The following BACE2 variants were observed in gnomAD, a reference collection of about 807,000 sequenced individuals.
BACE2 encodes beta-secretase 2.
A neutral mutation model predicts 46.2 loss-of-function variants in BACE2; 17 were observed. The ratio of observed to expected loss-of-function variants is 0.37; its 90% CI spans 0.25 to 0.55. The LOEUF (loss-of-function observed/expected upper bound fraction) is 0.55, where lower values mean the gene tolerates loss of function less well. BACE2 is among the 20% of genes least tolerant of loss of function. BACE2 has a pLI of 0.82. For missense variants in BACE2, 595 were observed against 698.1 expected, an observed-to-expected ratio of 0.85 and a Z score of 1.66; for synonymous variants, 277 against 295.9, an observed-to-expected ratio of 0.94 and a Z score of 0.66.
intron 2 of BACE2, among the ~76,000 whole-genome samples, chr21:41,233,987 G>A (rs1024179936): frequency 1.3e-5 from 2 of 152,118 alleles, no homozygotes; most frequent in Non-Finnish European, 2.9e-5. Context: ...TACTCTACCA[G>A]ACCAGGTAGT....
chr21:41,231,919 T>C (rs185394852), intron 2 of BACE2, among the ~76,000 whole-genome samples: 1 of 152,290 alleles, frequency 6.6e-6, no homozygotes, highest in East Asian at 1.9e-4. Context: ...TCTACGCTAA[T>C]AATAACCCCT....
chr21:41,256,185 C>G (rs972136167), intron 7 of BACE2, among the ~76,000 whole-genome samples: 1 of 151,840 alleles, frequency 6.6e-6, no homozygotes, highest in Non-Finnish European at 1.5e-5. Flanking sequence ...TGATTTGTTG[C>G]GCCCATCAAC....
At chr21:41,271,554 G>T (rs2088435048) in intron 8 of BACE2, among the ~76,000 whole-genome samples, 1 of 152,068 alleles carries the variant, frequency 6.6e-6, no homozygotes, top group African/African-American at 2.4e-5. Flanking sequence ...TGTCTCATTT[G>T]TTACATTTTT....
At chr21:41,275,241 C>A in intron 8 of BACE2, 130 bp from the exon 9 acceptor site, 1 of 1,285,488 alleles carries the variant, frequency 7.8e-7, no homozygotes, top group Non-Finnish European at 1.1e-6. Flanking sequence ...GCTTCCTGAG[C>A]TGTCTAAGCC....
chr21:41,170,985 C>T (rs1984588772), intron 1 of BACE2, among the ~76,000 whole-genome samples: 1 of 152,142 alleles, frequency 6.6e-6, no homozygotes, highest in Non-Finnish European at 1.5e-5. Flanking sequence ...TCCAGGGCAA[C>T]AGGGCAAGAA....
chr21:41,180,202 A>G (rs1227891466), intron 1 of BACE2: 1 of 213,486 alleles, frequency 4.7e-6, no homozygotes, highest in Non-Finnish European at 1.0e-5. Context: ...GCCATGGTGA[A>G]CTGACTTGAC....
chr21:41,244,966 T>A (rs1987424307), intron 5 of BACE2, among the ~76,000 whole-genome samples: 1 of 151,996 alleles, frequency 6.6e-6, no homozygotes, highest in Admixed American at 6.6e-5. Flanking sequence ...GGTTCTTTCC[T>A]GCCCACCCCA....
intron 1 of BACE2, among the ~76,000 whole-genome samples, chr21:41,221,552 G>A (rs560359726): frequency 3.0e-4 from 46 of 152,264 alleles, no homozygotes; most frequent in Middle Eastern, 3.4e-3. Context: ...TCGGCCGGGC[G>A]CGGTGGCTCA....
intron 1 of BACE2, among the ~76,000 whole-genome samples, chr21:41,223,367 AC>A (rs558005402): frequency 8.0e-4 from 117 of 146,998 alleles, no homozygotes; most frequent in African/African-American, 2.3e-3. Context: ...AAAAAAAAAA[AC>A]CCCAGGAATG....
At chr21:41,273,010 G>A (rs2088448908) in intron 8 of BACE2, among the ~76,000 whole-genome samples, 1 of 152,158 alleles carries the variant, frequency 6.6e-6, no homozygotes, top group African/African-American at 2.4e-5. Context: ...TTAAAGCTGG[G>A]TGTCCAGGGA....
At chr21:41,206,206 C>T (rs1170674132) in intron 1 of BACE2, among the ~76,000 whole-genome samples, 3 of 152,298 alleles carry the variant, frequency 2.0e-5, no homozygotes, top group Middle Eastern at 3.4e-3. Flanking sequence ...CAGGGTCCAA[C>T]GAGGGCCACC....
chr21:41,190,233 G>C (rs1985519005), intron 1 of BACE2, among the ~76,000 whole-genome samples: 1 of 152,130 alleles, frequency 6.6e-6, no homozygotes, highest in Non-Finnish European at 1.5e-5. Flanking sequence ...ATACACATCT[G>C]AGATCATACA....
chr21:41,252,294 G>T (rs1270783701), intron 7 of BACE2, among the ~76,000 whole-genome samples: 1 of 152,024 alleles, frequency 6.6e-6, no homozygotes, highest in Non-Finnish European at 1.5e-5. Context: ...AAGGCCTCTT[G>T]CCTGCAACTG....
At chr21:41,237,183 C>G (rs1987148045) in intron 2 of BACE2, among the ~76,000 whole-genome samples, 1 of 152,184 alleles carries the variant, frequency 6.6e-6, no homozygotes, top group East Asian at 1.9e-4. Context: ...CGCAGTGGCT[C>G]ACGCCTGTAA....
chr21:41,196,081 T>G (rs969524576), intron 1 of BACE2, among the ~76,000 whole-genome samples: 3 of 151,874 alleles, frequency 2.0e-5, no homozygotes, highest in Admixed American at 6.6e-5. Flanking sequence ...GGTCAGGAGT[T>G]TGAGACCAGC....
intron 1 of BACE2, among the ~76,000 whole-genome samples, chr21:41,223,149 T>G (rs1028821630): frequency 6.6e-6 from 1 of 151,386 alleles, no homozygotes; most frequent in Non-Finnish European, 1.5e-5. Flanking sequence ...AGCCCGGGAG[T>G]TCAAGACCAG....
chr21:41,248,467 C>T (rs758693987), intron 6 of BACE2, among the ~76,000 whole-genome samples: 2 of 152,198 alleles, frequency 1.3e-5, no homozygotes, highest in Non-Finnish European at 2.9e-5. Context: ...CTCTGTACCC[C>T]GTGTCCCGCT....
chr21:41,216,984 C>T (rs1000500053), intron 1 of BACE2, among the ~76,000 whole-genome samples: 6 of 152,042 alleles, frequency 3.9e-5, no homozygotes, highest in Admixed American at 1.3e-4. Flanking sequence ...CAGGCTGGAG[C>T]GCAGTGGTGC....
intron 5 of BACE2, among the ~76,000 whole-genome samples, chr21:41,245,523 A>G (rs1987440243): frequency 6.6e-6 from 1 of 152,206 alleles, no homozygotes; most frequent in South Asian, 2.1e-4. Context: ...AAAATTGTCC[A>G]TCCTTCTCTT....
Sources: allele counts gnomAD v4.1 joint callset (sites outside exome capture counted in the v4.1 genomes callset), GRCh38; gene constraint gnomAD v4.1.1; transcripts MANE v1.5; gene names NCBI Gene and HGNC (gene_info 2026-07-23, HGNC 2026-07-21).